The following SGCZ variants were observed in gnomAD, a reference collection of about 807,000 sequenced individuals.
The protein encoded by SGCZ is sarcoglycan zeta.
SGCZ carries 40 observed loss-of-function variants against 41.3 expected under a neutral mutation model. The observed-to-expected ratio is 0.97, with a 90% confidence interval of 0.75 to 1.26. The LOEUF (loss-of-function observed/expected upper bound fraction) is 1.26, where lower values mean the gene tolerates loss of function less well. SGCZ is among the 50% of genes most tolerant of loss of function. The pLI is 0.00. For synonymous variants in SGCZ, 206 were observed against 137.5 expected (o/e 1.50, Z -3.49); for missense variants, 552 against 369.8 (o/e 1.49, Z -4.04).
intron 4 of SGCZ, among the ~76,000 whole-genome samples, chr8:14,176,651 C>A (rs1382138): frequency 0.24 from 37,231 of 152,016 alleles, 6,135 homozygotes; most frequent in African/African-American, 0.47. Flanking sequence ...TCTCCCCCAC[C>A]AGGTTACTCA....
intron 1 of SGCZ, among the ~76,000 whole-genome samples, chr8:14,991,635 C>A (rs558767420): frequency 1.1e-4 from 16 of 152,220 alleles, no homozygotes; most frequent in Non-Finnish European, 2.2e-4. Context: ...TTCTAGAATT[C>A]CTTGTGTTAG....
intron 4 of SGCZ, among the ~76,000 whole-genome samples, chr8:14,203,404 G>C (rs753073764): frequency 1.3e-5 from 2 of 152,202 alleles, no homozygotes; most frequent in East Asian, 3.9e-4. Context: ...AACATAGAAT[G>C]TTTTTATGTT....
At chr8:14,194,629 G>C (rs1805208196) in intron 4 of SGCZ, among the ~76,000 whole-genome samples, 1 of 151,880 alleles carries the variant, frequency 6.6e-6, no homozygotes, top group African/African-American at 2.4e-5. Flanking sequence ...CCAATATAGA[G>C]TTATGGGATC....
intron 2 of SGCZ, among the ~76,000 whole-genome samples, chr8:14,354,533 A>C (rs1803222930): frequency 6.6e-6 from 1 of 151,744 alleles, no homozygotes; most frequent in Non-Finnish European, 1.5e-5. Context: ...GTAATATTCC[A>C]ATATATATAG....
At chr8:14,581,125 T>C (rs1324505713) in intron 1 of SGCZ, among the ~76,000 whole-genome samples, 1 of 152,150 alleles carries the variant, frequency 6.6e-6, no homozygotes, top group African/African-American at 2.4e-5. Context: ...TGTTTATTTT[T>C]GAGACAGTGT....
chr8:14,923,490 G>A (rs1799651721), intron 1 of SGCZ, among the ~76,000 whole-genome samples: 1 of 152,102 alleles, frequency 6.6e-6, no homozygotes, highest in African/African-American at 2.4e-5. Flanking sequence ...GCTTTTTATA[G>A]AGATTTTTTT....
intron 4 of SGCZ, among the ~76,000 whole-genome samples, chr8:14,198,413 A>G (rs960567278): frequency 6.6e-6 from 1 of 152,176 alleles, no homozygotes; most frequent in African/African-American, 2.4e-5. Context: ...TTAAGTCAAA[A>G]AAGGAACAAT....
intron 1 of SGCZ, among the ~76,000 whole-genome samples, chr8:15,045,798 A>G (rs554900736): frequency 9.2e-5 from 14 of 152,166 alleles, no homozygotes; most frequent in Middle Eastern, 3.4e-3. Context: ...GCAGTAGTCA[A>G]TTCCCCTCAG....
chr8:14,157,163 A>G (rs888671682), intron 5 of SGCZ, among the ~76,000 whole-genome samples: 1 of 151,840 alleles, frequency 6.6e-6, no homozygotes. Context: ...TGCTTATGAC[A>G]TCACTAGGTG....
chr8:14,309,064 T>G (rs1801438864), intron 3 of SGCZ: 5 of 1,406,668 alleles, frequency 3.6e-6, no homozygotes, highest in Non-Finnish European at 5.0e-6. Flanking sequence ...ATTCCCCAAC[T>G]ACAGAAGAGG....
intron 2 of SGCZ, among the ~76,000 whole-genome samples, chr8:14,505,446 T>C (rs979452138): frequency 2.0e-5 from 3 of 152,156 alleles, no homozygotes; most frequent in Admixed American, 1.3e-4. Context: ...GTTTCTTTTC[T>C]ATGTTATGGC....
intron 1 of SGCZ, among the ~76,000 whole-genome samples, chr8:15,024,562 A>G (rs1280827324): frequency 1.1e-4 from 16 of 152,218 alleles, no homozygotes; most frequent in Non-Finnish European, 2.1e-4. Flanking sequence ...TTAGAAGGTG[A>G]TCAATGCTGC....
intron 2 of SGCZ, among the ~76,000 whole-genome samples, chr8:14,327,810 C>G (rs570896357): frequency 9.9e-5 from 15 of 152,252 alleles, no homozygotes; most frequent in African/African-American, 3.6e-4. Flanking sequence ...GAGATGGAGT[C>G]TCGCTCTTTC....
At chr8:14,976,449 T>A (rs1801481465) in intron 1 of SGCZ, among the ~76,000 whole-genome samples, 1 of 152,218 alleles carries the variant, frequency 6.6e-6, no homozygotes. Context: ...TATCTTTAGT[T>A]ATCATTACCA....
At position 14,089,148 on chromosome 8, in the gene SGCZ, C is replaced by G. The variant is rs969176758; in HGVS notation, c.*1295G>C. On this transcript the variant is annotated 3_prime_UTR_variant, in exon 8 of 8. Transcript: ENST00000382080. ...GAGTTGTTTACTAAGAGGTCATATA[C>G]AAAAATAAGCATTGGAAAATGAAAA... is the stretch of plus-strand genomic sequence containing the variant. Among the ~76,000 whole-genome samples, 12 of 151,808 alleles carry G rather than the reference C, an allele frequency of 7.9e-5. No individual in the cohort carries two copies. The highest frequency in any genetic ancestry group is 2.9e-4 in the African/African-American group (12 of 41,358).
intron 5 of SGCZ, among the ~76,000 whole-genome samples, chr8:14,140,216 T>C (rs930551448): frequency 7.9e-5 from 12 of 152,184 alleles, no homozygotes; most frequent in Admixed American, 2.0e-4. Context: ...GCCAATATCA[T>C]ACTGAATGGG....
intron 1 of SGCZ, among the ~76,000 whole-genome samples, chr8:14,775,617 G>C (rs1421463833): frequency 6.6e-6 from 1 of 152,012 alleles, no homozygotes. Flanking sequence ...ATATAACACA[G>C]TACATATGAG....
At chr8:15,169,211 C>T (rs924477050) in intron 1 of SGCZ, among the ~76,000 whole-genome samples, 1 of 152,174 alleles carries the variant, frequency 6.6e-6, no homozygotes, top group East Asian at 1.9e-4. Flanking sequence ...GATTGGTCTT[C>T]GCCCTTATCC....
intron 1 of SGCZ, among the ~76,000 whole-genome samples, chr8:14,763,258 T>TA (rs1799944871): frequency 6.6e-6 from 1 of 152,160 alleles, no homozygotes; most frequent in African/African-American, 2.4e-5. Flanking sequence ...GCTTGTGAGA[T>TA]ACTGTTCATT....
Sources: allele counts gnomAD v4.1 joint callset (sites outside exome capture counted in the v4.1 genomes callset), GRCh38; gene constraint gnomAD v4.1.1; transcripts MANE v1.5; gene names NCBI Gene and HGNC (gene_info 2026-07-23, HGNC 2026-07-21).